The following AKT3 variants were observed in gnomAD, a reference collection of about 807,000 sequenced individuals.
AKT3 encodes RAC-gamma serine/threonine-protein kinase.
AKT3 carries 15 observed loss-of-function variants against 65.3 expected under a neutral mutation model. The observed-to-expected ratio is 0.23, with a 90% CI of 0.15 to 0.35. The LOEUF is 0.35. Ranked by LOEUF, AKT3 falls within the 10% of genes least tolerant of loss-of-function variation. AKT3 has a pLI of 1.00. For synonymous variants in AKT3, 206 were observed against 183.8 expected (o/e 1.12, Z -0.98); for missense variants, 243 against 576.5 (o/e 0.42, Z 5.92).
At chr1:243,655,607 T>G (rs1399793530) in intron 4 of AKT3, among the ~76,000 whole-genome samples, 1 of 152,196 alleles carries the variant, frequency 6.6e-6, no homozygotes, top group East Asian at 1.9e-4. Flanking sequence ...TTTAGCAAGC[T>G]CCTAGAAAAC....
At position 243,500,358 on chromosome 1, in the gene AKT3, T is replaced by C. The variant is rs1390683768; in HGVS notation, c.*4891A>G. Reference sequence around the variant, plus strand: ...ACTATGCATTACTCTTTCCATTCTGTTAAACAACGAAAACAGACAAAAAAG... The same window carrying C: ...ACTATGCATTACTCTTTCCATTCTGCTAAACAACGAAAACAGACAAAAAAG... On this transcript the variant is annotated 3_prime_UTR_variant, in exon 14 of 14. Transcript: ENST00000673466. The C allele has an allele frequency of 4.4e-6, 1 of 225,066 alleles. No homozygotes were observed. Among genetic ancestry groups the C allele is most frequent in the Non-Finnish European group, 8.8e-6 (1 of 113,222 alleles). 13.9% of individuals were successfully genotyped at this position (225,066 alleles called of 1,614,324 possible).
At chr1:243,527,724 C>T (rs1671204523) in intron 12 of AKT3, among the ~76,000 whole-genome samples, 1 of 152,112 alleles carries the variant, frequency 6.6e-6, no homozygotes, top group African/African-American at 2.4e-5. Flanking sequence ...GAAGGCAGAA[C>T]TTCTGCCATA....
At chr1:243,715,225 G>C (rs1004525036) in intron 2 of AKT3, among the ~76,000 whole-genome samples, 1 of 152,050 alleles carries the variant, frequency 6.6e-6, no homozygotes, top group African/African-American at 2.4e-5. Flanking sequence ...GCTTCATCCA[G>C]AAAGTACCAC....
chr1:243,509,218 C>T (rs1443579012), intron 13 of AKT3, among the ~76,000 whole-genome samples: 1 of 152,132 alleles, frequency 6.6e-6, no homozygotes, highest in Non-Finnish European at 1.5e-5. Flanking sequence ...TTCTTGATGG[C>T]TTTTATATTG....
At chr1:243,583,191 T>C (rs1440018257) in intron 8 of AKT3, among the ~76,000 whole-genome samples, 11 of 71,232 alleles carry the variant, frequency 1.5e-4, no homozygotes, top group Non-Finnish European at 2.6e-4. Context: ...TATATATATA[T>C]ATATACACAC....
intron 2 of AKT3, among the ~76,000 whole-genome samples, chr1:243,717,124 TC>T (rs1170844349): frequency 2.0e-5 from 3 of 152,234 alleles, no homozygotes; most frequent in Admixed American, 2.0e-4. Flanking sequence ...GAAGTTTTTT[TC>T]CTTCATAAAC....
At chr1:243,709,751 G>A (rs952952348) in intron 2 of AKT3, among the ~76,000 whole-genome samples, 2 of 151,818 alleles carry the variant, frequency 1.3e-5, no homozygotes, top group African/African-American at 4.8e-5. Context: ...ATATACTTAC[G>A]TTTAAATATC....
At chr1:243,726,432 CAATT>C (rs768811896) in intron 2 of AKT3, among the ~76,000 whole-genome samples, 135 of 152,186 alleles carry the variant, frequency 8.9e-4, no homozygotes, top group Middle Eastern at 3.4e-3. Flanking sequence ...AAAGTGAACT[CAATT>C]AATGCAGGGA....
chr1:243,657,834 A>G (rs1052663715), intron 4 of AKT3, among the ~76,000 whole-genome samples: 3 of 152,020 alleles, frequency 2.0e-5, no homozygotes, highest in African/African-American at 7.2e-5. Flanking sequence ...TAATAAAACC[A>G]TATATATATA....
At chr1:243,561,197 G>A (rs143891924) in intron 10 of AKT3, among the ~76,000 whole-genome samples, 251 of 152,124 alleles carry the variant, frequency 1.6e-3, no homozygotes, top group Non-Finnish European at 2.3e-3. Flanking sequence ...AAATGTAAAT[G>A]TAATCCCTAG....
At position 243,527,870 on chromosome 1, in the gene AKT3, AACACACACACACACACACACACACAC is replaced by A. The variant is rs56956606; in HGVS notation, c.1252-15470_1252-15445del. ...ATTACAGCAAGACTCCATCTCTTAA[AACACACACACACACACACACACACAC>A]ACACACACACACACACACACACACA... On this transcript the variant is annotated intron_variant, in intron 12 of 13. Coordinates refer to ENST00000673466, the MANE Select transcript of AKT3 (RefSeq NM_005465.7). Among the ~76,000 whole-genome samples the A allele has an allele frequency of 3.4e-3, 341 of 99,262 alleles. 4 individuals are homozygous for A. The highest frequency in any genetic ancestry group is 0.013 in the African/African-American group (307 of 24,032). 65.1% of individuals were successfully genotyped at this position (99,262 alleles called of 152,430 possible). A position where few individuals can be genotyped will look rare whatever the true frequency, so the allele number is the denominator to read the frequency against.
At chr1:243,755,724 A>G (rs1689094880) in intron 2 of AKT3, among the ~76,000 whole-genome samples, 2 of 152,234 alleles carry the variant, frequency 1.3e-5, no homozygotes, top group African/African-American at 4.8e-5. Flanking sequence ...AGACCAGAAT[A>G]AAACTCTAAG....
At chr1:243,756,110 T>C (rs1467524486) in intron 2 of AKT3, among the ~76,000 whole-genome samples, 1 of 152,192 alleles carries the variant, frequency 6.6e-6, no homozygotes, top group African/African-American at 2.4e-5. Context: ...AATGGACTCT[T>C]TGGTGTGAGA....
chr1:243,788,277 T>G (rs1302004136), intron 2 of AKT3, among the ~76,000 whole-genome samples: 1 of 152,182 alleles, frequency 6.6e-6, no homozygotes, highest in Non-Finnish European at 1.5e-5. Flanking sequence ...AAACACAGGT[T>G]TATATAATAG....
At chr1:243,589,851 T>A (rs320317) in intron 8 of AKT3, among the ~76,000 whole-genome samples, 26,406 of 150,222 alleles carry the variant, frequency 0.18, 2,488 homozygotes, top group South Asian at 0.3. Context: ...AGAAGCAACA[T>A]CTATCAGCAG....
intron 2 of AKT3, among the ~76,000 whole-genome samples, chr1:243,751,025 T>C (rs1688780474): frequency 6.6e-6 from 1 of 152,196 alleles, no homozygotes; most frequent in African/African-American, 2.4e-5. Context: ...AGATAATGCT[T>C]TGGAAAAAGA....
intron 11 of AKT3, among the ~76,000 whole-genome samples, chr1:243,550,162 T>C (rs1477023706): frequency 6.6e-6 from 1 of 152,334 alleles, no homozygotes; most frequent in East Asian, 1.9e-4. Flanking sequence ...TCTGTGAGTA[T>C]ATGTTTTGTG....
intron 8 of AKT3, among the ~76,000 whole-genome samples, chr1:243,581,626 C>A (rs1675363981): frequency 6.6e-6 from 1 of 151,930 alleles, no homozygotes; most frequent in Non-Finnish European, 1.5e-5. Context: ...ACAGAAGTTA[C>A]AAGTGTTAGG....
chr1:243,491,733 A>C (rs955506931), intron 13 of AKT3, among the ~76,000 whole-genome samples: 6 of 152,096 alleles, frequency 3.9e-5, no homozygotes, highest in African/African-American at 1.4e-4. Context: ...GGTATTTTGG[A>C]TGCGGTGCCG....
Sources: allele counts gnomAD v4.1 joint callset (sites outside exome capture counted in the v4.1 genomes callset), GRCh38; gene constraint gnomAD v4.1.1; transcripts MANE v1.5; gene names NCBI Gene and HGNC (gene_info 2026-07-23, HGNC 2026-07-21).